Variants in LCORL observed in about 807,000 individuals in gnomAD.
The protein encoded by LCORL is ligand dependent nuclear receptor corepressor like, also known as ligand-dependent nuclear receptor corepressor-like protein.
In LCORL, 41 loss-of-function variants were observed where a neutral mutation model predicts 141.8. The observed-to-expected ratio is 0.29, with a 90% CI of 0.23 to 0.38. The LOEUF is 0.38. LCORL is among the 10% of genes least tolerant of loss of function. The pLI, the probability that LCORL is intolerant of heterozygous loss-of-function variation, is 1.00. For synonymous variants in LCORL, 618 were observed against 694.1 expected (o/e 0.89, Z 1.72); for missense variants, 1,759 against 2,035.0 (o/e 0.86, Z 2.61).
At chr4:17,952,178 C>T (rs1006129574) in intron 4 of LCORL, among the ~76,000 whole-genome samples, 1 of 152,114 alleles carries the variant, frequency 6.6e-6, no homozygotes, top group Middle Eastern at 3.4e-3. Flanking sequence ...TTACTGACTG[C>T]CATATTAGAG....
At chr4:18,018,061 T>G (rs1724891951) in intron 1 of LCORL, among the ~76,000 whole-genome samples, 2 of 152,112 alleles carry the variant, frequency 1.3e-5, no homozygotes, top group African/African-American at 4.8e-5. Flanking sequence ...CTTTTAAGAT[T>G]GAAATTACAT....
chr4:17,972,844 G>T (rs368138662), exon 2 of LCORL: 1 of 1,434,586 alleles, frequency 7.0e-7, no homozygotes, highest in Non-Finnish European at 9.1e-7. Context: ...AGGTCTCTTC[G>T]TAGCCGTGGT....
At chr4:18,003,014 G>A (rs1318446431) in intron 1 of LCORL, among the ~76,000 whole-genome samples, 3 of 152,138 alleles carry the variant, frequency 2.0e-5, no homozygotes, top group African/African-American at 7.2e-5. Context: ...AAAGTCCACA[G>A]GACAATACAT....
chr4:17,907,025 C>T (rs570008315), intron 5 of LCORL, among the ~76,000 whole-genome samples: 1 of 152,298 alleles, frequency 6.6e-6, no homozygotes, highest in South Asian at 2.1e-4. Context: ...CTTTTCAATA[C>T]CTCCAATGAC....
rs1381088047 is a variant in LCORL, at chr4:18,021,698, G to A, written c.54C>T (p.Ala18=). The A allele has an allele frequency of 9.8e-6, 15 of 1,530,614 alleles. No individual in the cohort carries two copies. The Admixed American group carries it at 1.3e-4, about 13-fold the overall frequency. The allele number at this position is 1,530,614 out of a possible 1,614,324, so 94.8% of individuals were successfully genotyped here. A position where few individuals can be genotyped will look rare whatever the true frequency, so the allele number is the denominator to read the frequency against. The change falls in exon 1 of 8, where the codon GCC becomes GCT. Residue 18 remains alanine (A), a synonymous_variant. Coordinates refer to ENST00000635767, the Ensembl canonical transcript of LCORL. The surrounding 1 kb of genome is among the most constrained non-coding windows in gnomAD (Gnocchi z 5.5). Reference sequence around the variant, plus strand: ...GGCTCCGGCACTGAGCGGCGGCGGCGGCGGCGGCAGCAGCGGCGGCGGCAG... The same window carrying A: ...GGCTCCGGCACTGAGCGGCGGCGGCAGCGGCGGCAGCAGCGGCGGCGGCAG...
intron 7 of LCORL, among the ~76,000 whole-genome samples, chr4:17,862,612 A>T (rs767200999): frequency 2.6e-4 from 39 of 152,244 alleles, no homozygotes; most frequent in Admixed American, 2.0e-4. Context: ...TGACAAAAAC[A>T]AGCAATAGAA....
In LCORL at chr4:17,876,228, T is replaced by C. The variant is rs894333647; in HGVS notation, c.2762A>G (p.Glu921Gly). 3 of 1,230,906 alleles carry C rather than the reference T, an allele frequency of 2.4e-6. No individual in the cohort carries two copies. The African/African-American group carries it at 4.7e-5, about 19-fold the overall frequency. 76.2% of individuals were successfully genotyped at this position (1,230,906 alleles called of 1,614,324 possible). A position where few individuals can be genotyped will look rare whatever the true frequency, so the allele number is the denominator to read the frequency against. ...TAAAATAGATGACTTTTTCAGATTT[T>C]CAAGTCTTTTGTTATTCAAATCCAC... Residue 921 changes from glutamate to glycine, a missense_variant, in exon 7 of 8, where the codon GAA becomes GGA. Coordinates refer to ENST00000635767, the Ensembl canonical transcript of LCORL.
Position 17,848,054 on chromosome 4 carries a change from T to G in LCORL, c.5603-2153A>C, listed in dbSNP as rs527752492. Reference sequence around the variant, plus strand: ...ACTTTAATAAACTACATGATTTTCCTTTTCAAAAACATACGGCGGTTTTCT... The same window carrying G: ...ACTTTAATAAACTACATGATTTTCCGTTTCAAAAACATACGGCGGTTTTCT... On this transcript the variant is annotated intron_variant, in intron 7 of 7. Coordinates refer to ENST00000635767, the Ensembl canonical transcript of LCORL. 1.8e-4 allele frequency among the ~76,000 whole-genome samples: 28 copies of G among 152,340 alleles called. No homozygotes were observed. The South Asian group carries it at 3.1e-3, about 17-fold the overall frequency.
chr4:17,936,360 G>GAA (rs10646952), intron 4 of LCORL, among the ~76,000 whole-genome samples: 27,009 of 95,986 alleles, frequency 0.28, 3,450 homozygotes, highest in African/African-American at 0.42. Context: ...GTCTCATAAT[G>GAA]AAAAAAAAAA....
chr4:17,897,499 GAA>G (rs1730173636), intron 5 of LCORL, among the ~76,000 whole-genome samples: 1 of 151,640 alleles, frequency 6.6e-6, no homozygotes, highest in South Asian at 2.1e-4. Flanking sequence ...TGGTTGTCCT[GAA>G]ACACAATTTG....
chr4:17,843,496 T>G, exon 8 of LCORL: 1 of 1,541,268 alleles, frequency 6.5e-7, no homozygotes, highest in Non-Finnish European at 8.8e-7. Flanking sequence ...GAAGTTACCC[T>G]TGTCAAAATC....
At chr4:17,946,652 T>C (rs971962385) in intron 4 of LCORL, among the ~76,000 whole-genome samples, 2 of 151,922 alleles carry the variant, frequency 1.3e-5, no homozygotes, top group Non-Finnish European at 2.9e-5. Context: ...TATCTAAAAT[T>C]GACAAAGAAA....
exon 7 of LCORL, chr4:17,876,060 G>C: frequency 8.1e-7 from 1 of 1,230,986 alleles, no homozygotes; most frequent in Non-Finnish European, 1.0e-6. Context: ...TGAAGTTAAA[G>C]TATATTTGAC....
chr4:17,885,283 A>G (rs1236101966), intron 6 of LCORL, among the ~76,000 whole-genome samples: 1 of 151,978 alleles, frequency 6.6e-6, no homozygotes, highest in Non-Finnish European at 1.5e-5. Flanking sequence ...ACTTGAAACA[A>G]GTAGATGTTA....
chr4:17,864,080 T>C (rs907769101), intron 7 of LCORL, among the ~76,000 whole-genome samples: 4 of 151,952 alleles, frequency 2.6e-5, no homozygotes, highest in African/African-American at 4.8e-5. Context: ...AAATAATCTA[T>C]ACAACAAATC....
chr4:17,853,807 C>G (rs147691520), intron 7 of LCORL, among the ~76,000 whole-genome samples: 2 of 152,006 alleles, frequency 1.3e-5, no homozygotes, highest in Non-Finnish European at 1.5e-5. Flanking sequence ...GTTAAGTGCA[C>G]GAACCTAGAT....
chr4:17,924,149 G>T (rs1734745259), intron 4 of LCORL, among the ~76,000 whole-genome samples: 1 of 152,118 alleles, frequency 6.6e-6, no homozygotes, highest in Non-Finnish European at 1.5e-5. Flanking sequence ...ATGTTGTGTG[G>T]CTGGACCTCT....
intron 7 of LCORL, among the ~76,000 whole-genome samples, chr4:17,848,210 G>GAC (rs1723167829): frequency 6.6e-6 from 1 of 151,672 alleles, no homozygotes; most frequent in Non-Finnish European, 1.5e-5. Context: ...TATACAGCTT[G>GAC]ACATTTAATT....
intron 6 of LCORL, among the ~76,000 whole-genome samples, chr4:17,879,627 A>G (rs1727305289): frequency 6.6e-6 from 1 of 151,062 alleles, no homozygotes; most frequent in Non-Finnish European, 1.5e-5. Context: ...ATTCAATTAC[A>G]TAGTTTTAAA....
Sources: allele counts gnomAD v4.1 joint callset (sites outside exome capture counted in the v4.1 genomes callset), GRCh38; gene constraint gnomAD v4.1.1; non-coding constraint Gnocchi (gnomAD v3.1); transcripts MANE v1.5; gene names NCBI Gene and HGNC (gene_info 2026-07-23, HGNC 2026-07-21).